Variants in TRMU observed in about 807,000 individuals in gnomAD.
TRMU encodes tRNA mitochondrial 2-thiouridylase.
Under a neutral mutation model 46.9 loss-of-function variants are expected in TRMU, and 49 were observed. The observed-to-expected ratio is 1.05, with a 90% confidence interval of 0.83 to 1.33. The LOEUF is 1.33. Among genes scored for constraint, TRMU ranks in the 40% most tolerant of loss-of-function variants. The pLI, the probability that TRMU is intolerant of heterozygous loss-of-function variation, is 0.00. For synonymous variants in TRMU, 241 were observed against 200.9 expected (o/e 1.20, Z -1.69); for missense variants, 572 against 532.4 (o/e 1.07, Z -0.73).
rs775741824 is a variant in TRMU at position 46,356,871 on chromosome 22, C to G, written c.1131C>G (p.Cys377Trp). The change falls in exon 11 of 11, where the codon TGC (cysteine) becomes TGG (tryptophan). Residue 377 changes from cysteine (C) to tryptophan (W), a missense_variant. Physicochemically the swap from Cys to Trp is radical, Grantham distance 215. Transcript: ENST00000645190. ...CTGTGTTCTACAAGGGGGACGAGTG[C>G]CTGGGCAGCGGGAAGATCCTGCGGC... ...QFAVFYKGDE[C>W]LGSGKILRLG... The G allele has an allele frequency of 9.3e-6, 15 of 1,613,326 alleles. No individual in the cohort carries two copies. The highest frequency in any genetic ancestry group is 1.3e-5 in the Non-Finnish European group (15 of 1,179,956).
rs1569084806 is a variant in TRMU at position 46,353,760 on chromosome 22, TC to T, written c.773-6del. 1.2e-6 allele frequency: 2 copies of T among 1,613,438 alleles called. No homozygotes were observed. Among genetic ancestry groups the T allele is most frequent in the Non-Finnish European group, 1.7e-6 (2 of 1,179,524 alleles). On this transcript the variant is annotated splice_region_variant and splice_polypyrimidine_tract_variant and intron_variant, in intron 7 of 10. Coordinates refer to ENST00000645190, the MANE Select transcript of TRMU (RefSeq NM_018006.5). ...CCCAGCCTCATGGAGAAACTGTCTT[TC>T]TGTAGGTTGGTTCCTGTATACCTTG...
rs538230677 is a variant in TRMU, at chr22:46,339,158, A to T, written c.248+1214A>T. 2.0e-5 allele frequency among the ~76,000 whole-genome samples: 3 copies of T among 150,394 alleles called. No individual in the cohort carries two copies. The highest frequency in any genetic ancestry group is 6.6e-5 in the Admixed American group (1 of 15,076). On this transcript the variant is annotated intron_variant, in intron 2 of 10. Transcript: ENST00000645190. The surrounding 1 kb of genome is among the most constrained non-coding windows in gnomAD (Gnocchi z 4.8). ...ATAAACATAGCTGTTTTTCTTTTCT[A>T]TTTTTTTTTGAGACAGAGCCTCGCT...
rs1022184836 is a variant in TRMU, at chr22:46,342,786, C to T, written c.249-476C>T. On this transcript the variant is annotated intron_variant, in intron 2 of 10. Coordinates refer to ENST00000645190, the MANE Select transcript of TRMU (RefSeq NM_018006.5). The surrounding 1 kb of genome is among the most constrained non-coding windows in gnomAD (Gnocchi z 4.7). ...CAGCCTGGCCAACATGGTGAAACCC[C>T]GTCTCTACTAAAAATACAAAAATTA... Among the ~76,000 whole-genome samples, 1 of 152,236 alleles carries T rather than the reference C, an allele frequency of 6.6e-6. No individual in the cohort carries two copies. The highest frequency in any genetic ancestry group is 1.5e-5 in the Non-Finnish European group (1 of 68,040).
chr22:46,349,162 T>C lies in TRMU; in HGVS notation c.479-1129T>C, dbSNP rs2078338525. On this transcript the variant is annotated intron_variant, in intron 4 of 10. Coordinates refer to ENST00000645190, the MANE Select transcript of TRMU (RefSeq NM_018006.5). This position sits in a 1 kb window ranked among gnomAD's most constrained non-coding sequence, Gnocchi z 4.6. The stretch of plus-strand genomic sequence containing the variant: ...CAAAAAAAAAAAAAAAAGTGGACTC[T>C]GGAAAGTGCTCTGCTTCCGTGGCGA... Among the ~76,000 whole-genome samples the C allele has an allele frequency of 6.7e-6, 1 of 150,018 alleles. No homozygotes were observed. The highest frequency in any genetic ancestry group is 2.4e-5 in the African/African-American group (1 of 40,926).
Position 46,352,149 on chromosome 22 carries a change from G to A in TRMU, c.680G>A (p.Arg227Lys). ...ESMGMCFIGKRNFEHFLLQYL... is the reference protein window; with the variant it reads ...ESMGMCFIGKKNFEHFLLQYL... The stretch of plus-strand genomic sequence containing the variant: ...ATGGGCATGTGTTTCATCGGGAAGA[G>A]GAATTTTGAACATTTCCTTCTTCAG... Residue 227 changes from arginine to lysine, a missense_variant, in exon 6 of 11, where the codon AGG (arginine) becomes AAG (lysine). Coordinates refer to ENST00000645190, the MANE Select transcript of TRMU (RefSeq NM_018006.5). 6.2e-7 allele frequency: 1 copy of A among 1,614,016 alleles called. No homozygotes were observed. The highest frequency in any genetic ancestry group is 8.5e-7 in the Non-Finnish European group (1 of 1,180,024).
At chr22:46,354,441 C>G (rs2078533805) in intron 8 of TRMU, 1 of 165,940 alleles carries the variant, frequency 6.0e-6, no homozygotes, top group Admixed American at 5.6e-5. Context: ...GCTGCTGCAT[C>G]TGTGGGTCAG....
Position 46,351,972 on chromosome 22 carries a change from C to T in TRMU, c.652-149C>T, listed in dbSNP as rs147414890. The T allele has an allele frequency of 7.2e-4, 610 of 852,228 alleles. 1 individual carries two copies. The African/African-American group carries it at 7.9e-3, about 11-fold the overall frequency. 52.8% of individuals were successfully genotyped at this position (852,228 alleles called of 1,614,324 possible). On this transcript the variant is annotated intron_variant, in intron 5 of 10. Transcript: ENST00000645190. The surrounding 1 kb of genome is among the most constrained non-coding windows in gnomAD (Gnocchi z 6.4). ...GTGTGCGCCGGCTGTGACTGGCGGC[C>T]GAGGGTGCCGGTGGGCAGCCGGGCC...
Position 46,339,896 on chromosome 22 carries a change from A to C in TRMU, c.248+1952A>C, listed in dbSNP as rs114885095. 0.01 allele frequency among the ~76,000 whole-genome samples: 1,549 copies of C among 152,216 alleles called. 27 individuals are homozygous for C. Among genetic ancestry groups the C allele is most frequent in the African/African-American group, 0.036 (1,506 of 41,484 alleles). ...TAAAAACTTATCTGTAGAATGCATG[A>C]TAAATGCATTAAAAACTTCTGCAGT... is the stretch of plus-strand genomic sequence containing the variant. On this transcript the variant is annotated intron_variant, in intron 2 of 10. Transcript: ENST00000645190. This position sits in a 1 kb window ranked among gnomAD's most constrained non-coding sequence, Gnocchi z 4.8.
intron 8 of TRMU, 187 bp from the exon 9 acceptor site, chr22:46,355,257 A>G (rs1446723903): frequency 1.5e-5 from 13 of 852,650 alleles, no homozygotes; most frequent in Non-Finnish European, 2.0e-5. Context: ...CTCATCTGTA[A>G]AATGGGGATT....
chr22:46,354,101 C>T (rs2078521772), intron 8 of TRMU: 2 of 478,556 alleles, frequency 4.2e-6, no homozygotes, highest in African/African-American at 2.0e-5. Flanking sequence ...CCCTGAACCC[C>T]GATACACAGA....
In TRMU at chr22:46,348,845, G is replaced by T. The variant is rs2078328343; in HGVS notation, c.479-1446G>T. Reference sequence around the variant, plus strand: ...TGCAGTTAGTTTGGGATTGAAAGTGGACTCTGAGGCCAGGTGCGGTGGCTC... The same window carrying T: ...TGCAGTTAGTTTGGGATTGAAAGTGTACTCTGAGGCCAGGTGCGGTGGCTC... On this transcript the variant is annotated intron_variant, in intron 4 of 10. Coordinates refer to ENST00000645190, the MANE Select transcript of TRMU (RefSeq NM_018006.5). This position sits in a 1 kb window ranked among gnomAD's most constrained non-coding sequence, Gnocchi z 4.8. Among the ~76,000 whole-genome samples, 1 of 152,118 alleles carries T rather than the reference G, an allele frequency of 6.6e-6. No homozygotes were observed. The highest frequency in any genetic ancestry group is 6.5e-5 in the Admixed American group (1 of 15,274).
In TRMU at chr22:46,348,778, C is replaced by T. The variant is rs1385973203; in HGVS notation, c.479-1513C>T. Among the ~76,000 whole-genome samples, 1 of 152,190 alleles carries T rather than the reference C, an allele frequency of 6.6e-6. No individual in the cohort carries two copies. Among genetic ancestry groups the T allele is most frequent in the Non-Finnish European group, 1.5e-5 (1 of 68,038 alleles). On this transcript the variant is annotated intron_variant, in intron 4 of 10. Transcript: ENST00000645190. The surrounding 1 kb of genome is among the most constrained non-coding windows in gnomAD (Gnocchi z 4.8). ...CAGAACTAGGAGAAAATGCAAATGG[C>T]TCCTAGTTTTCTGAGGCTTTTACAC...
chr22:46,352,432 C>A, intron 7 of TRMU, 102 bp downstream of exon 7: 2 of 1,435,580 alleles, frequency 1.4e-6, no homozygotes, highest in Non-Finnish European at 2.0e-6. Flanking sequence ...TTCCACTTGG[C>A]TGGAGAATTG....
rs750739611 is a variant in TRMU, at chr22:46,338,821, C to T, written c.248+877C>T. ...ATGAATGTCGGGCAGTTGTCGAAGG[C>T]GTCTGACACAGCAGGCCATGTGCGC... On this transcript the variant is annotated intron_variant, in intron 2 of 10. Coordinates refer to ENST00000645190, the MANE Select transcript of TRMU (RefSeq NM_018006.5). The surrounding 1 kb of genome is among the most constrained non-coding windows in gnomAD (Gnocchi z 4.5). 8.5e-5 allele frequency among the ~76,000 whole-genome samples: 13 copies of T among 152,158 alleles called. No individual in the cohort carries two copies. Among genetic ancestry groups the T allele is most frequent in the African/African-American group, 1.2e-4 (5 of 41,426 alleles).
chr22:46,356,399 G>A (rs2078609554), intron 10 of TRMU: 5 of 446,740 alleles, frequency 1.1e-5, no homozygotes, highest in African/African-American at 2.0e-5. Context: ...CGGGGCCCCT[G>A]TGGGCCGAGT....
chr22:46,356,755 C>A, intron 10 of TRMU, 87 bp from the exon 11 acceptor site: 1 of 1,518,932 alleles, frequency 6.6e-7, no homozygotes. Context: ...CGAGCACAGG[C>A]CAGGCCCCAT....
Position 46,348,504 on chromosome 22 carries a change from C to T in TRMU, c.479-1787C>T, listed in dbSNP as rs545328594. Among the ~76,000 whole-genome samples, 15 of 152,308 alleles carry T rather than the reference C, an allele frequency of 9.8e-5. 1 individual carries two copies. In the South Asian group the frequency reaches 2.3e-3, roughly 23 times the overall value. ...GCAGTGGACGGCCTGGGCTCAGGGT[C>T]GGTCAGCACCTGAGACCAGCGCTCC... On this transcript the variant is annotated intron_variant, in intron 4 of 10. Coordinates refer to ENST00000645190, the MANE Select transcript of TRMU (RefSeq NM_018006.5). This position sits in a 1 kb window ranked among gnomAD's most constrained non-coding sequence, Gnocchi z 4.8.
chr22:46,344,458 G>T (rs1204486497), intron 3 of TRMU, among the ~76,000 whole-genome samples: 1 of 152,204 alleles, frequency 6.6e-6, no homozygotes, highest in Non-Finnish European at 1.5e-5. Flanking sequence ...ATTACTTTGG[G>T]TCGTAGTGGC....
intron 7 of TRMU, 29 bp downstream of exon 7, chr22:46,352,359 C>A (rs112403372): frequency 1.2e-6 from 2 of 1,612,166 alleles, no homozygotes; most frequent in Admixed American, 1.7e-5. Flanking sequence ...CACTTGTCAT[C>A]TGAAATGCCT....
Sources: allele counts gnomAD v4.1 joint callset (sites outside exome capture counted in the v4.1 genomes callset), GRCh38; gene constraint gnomAD v4.1.1; non-coding constraint Gnocchi (gnomAD v3.1); transcripts MANE v1.5; gene names NCBI Gene and HGNC (gene_info 2026-07-23, HGNC 2026-07-21).